The following MYRIP variants were observed in gnomAD, a reference collection of about 807,000 sequenced individuals.
MYRIP encodes the protein rab effector MyRIP.
A neutral mutation model predicts 98.0 loss-of-function variants in MYRIP; 49 were observed. That is an observed-to-expected ratio of 0.50 (90% CI 0.40 to 0.63). The LOEUF (loss-of-function observed/expected upper bound fraction) is 0.63, where lower values mean the gene tolerates loss of function less well. MYRIP is among the 30% of genes least tolerant of loss of function. MYRIP has a pLI of 0.00. For synonymous variants in MYRIP, 404 were observed against 409.5 expected, an observed-to-expected ratio of 0.99 and a Z score of 0.16; for missense variants, 1,004 against 1,058.2, an observed-to-expected ratio of 0.95 and a Z score of 0.71.
chr3:40,078,818 G>T (rs1948412632), intron 3 of MYRIP, among the ~76,000 whole-genome samples: 1 of 152,206 alleles, frequency 6.6e-6, no homozygotes. Context: ...CCTATTTTAA[G>T]AGATGCCACA....
intron 3 of MYRIP, among the ~76,000 whole-genome samples, chr3:40,114,615 A>G (rs1030858635): frequency 6.6e-6 from 1 of 152,258 alleles, no homozygotes; most frequent in African/African-American, 2.4e-5. Flanking sequence ...AGAAAGAAAA[A>G]AGGAGCAAAG....
chr3:40,135,549 C>T (rs1340888290), intron 3 of MYRIP, among the ~76,000 whole-genome samples: 4 of 152,156 alleles, frequency 2.6e-5, no homozygotes, highest in African/African-American at 9.7e-5. Context: ...AAAGATACTC[C>T]TCGAGAAGAG....
chr3:40,094,395 C>G (rs1475023607), intron 3 of MYRIP, among the ~76,000 whole-genome samples: 1 of 152,206 alleles, frequency 6.6e-6, no homozygotes, highest in African/African-American at 2.4e-5. Flanking sequence ...TTTATTACAC[C>G]ATGGCACCTC....
intron 2 of MYRIP, among the ~76,000 whole-genome samples, chr3:39,991,817 T>C (rs1271309860): frequency 1.3e-5 from 2 of 152,236 alleles, no homozygotes; most frequent in East Asian, 3.8e-4. Flanking sequence ...TACTGTGCTG[T>C]ATAACTTTAT....
intron 10 of MYRIP, among the ~76,000 whole-genome samples, chr3:40,207,049 G>C (rs980159742): frequency 6.6e-6 from 1 of 152,158 alleles, no homozygotes; most frequent in Non-Finnish European, 1.5e-5. Flanking sequence ...ACTAGTTGCT[G>C]ACTTCCTGCA....
At chr3:39,825,021 T>C (rs1302986308) in intron 1 of MYRIP, among the ~76,000 whole-genome samples, 1 of 152,206 alleles carries the variant, frequency 6.6e-6, no homozygotes, top group Admixed American at 6.5e-5. Flanking sequence ...GCCCAGCCAG[T>C]GCTATTGATT....
chr3:40,013,250 G>A (rs751960996), intron 2 of MYRIP, among the ~76,000 whole-genome samples: 1 of 152,152 alleles, frequency 6.6e-6, no homozygotes, highest in South Asian at 2.1e-4. Flanking sequence ...TATTACTCTC[G>A]TGTCAATCCT....
At position 40,244,440 on chromosome 3, in the gene MYRIP, C is replaced by G; in HGVS notation, c.2101-6C>G. On this transcript the variant is annotated splice_polypyrimidine_tract_variant and splice_region_variant and intron_variant, in intron 12 of 16. Coordinates refer to ENST00000302541, the MANE Select transcript of MYRIP (RefSeq NM_015460.4). ...CATGAACTCAAATGTAGCACTGTCT[C>G]TACAGGTATACCTGGCAGCAGGCAC... 3.1e-6 allele frequency: 5 copies of G among 1,609,620 alleles called. No individual in the cohort carries two copies. The highest frequency in any genetic ancestry group is 4.2e-6 in the Non-Finnish European group (5 of 1,177,768).
intron 10 of MYRIP, among the ~76,000 whole-genome samples, chr3:40,205,013 C>T: frequency 6.6e-6 from 1 of 152,140 alleles, no homozygotes; most frequent in East Asian, 1.9e-4. Context: ...ATTACAATGT[C>T]ACCAGCAATC....
At chr3:39,982,587 A>G (rs1474676879) in intron 2 of MYRIP, among the ~76,000 whole-genome samples, 7 of 152,228 alleles carry the variant, frequency 4.6e-5, no homozygotes, top group Admixed American at 2.6e-4. Flanking sequence ...TGGGAACTAC[A>G]CAAAATATTT....
intron 11 of MYRIP, chr3:40,232,842 C>G (rs1952700480): frequency 1.3e-5 from 2 of 152,242 alleles, no homozygotes; most frequent in Admixed American, 1.3e-4. Flanking sequence ...CAGTCAGGAA[C>G]ACGTTCAGCC....
chr3:39,859,841 G>T (rs1347093922), intron 1 of MYRIP, among the ~76,000 whole-genome samples: 1 of 152,068 alleles, frequency 6.6e-6, no homozygotes, highest in Admixed American at 6.6e-5. Context: ...TCAACAAATT[G>T]TTTATAGAAG....
intron 3 of MYRIP, among the ~76,000 whole-genome samples, chr3:40,099,351 C>A (rs1380345624): frequency 6.6e-6 from 1 of 152,172 alleles, no homozygotes; most frequent in Non-Finnish European, 1.5e-5. Flanking sequence ...ATATGCAAAG[C>A]ATTGTAATTT....
chr3:39,832,561 C>T (rs1161623661), intron 1 of MYRIP, among the ~76,000 whole-genome samples: 4 of 152,112 alleles, frequency 2.6e-5, no homozygotes, highest in Admixed American at 2.6e-4. Flanking sequence ...GAGTTCGGAG[C>T]ACGTAACACT....
chr3:39,871,120 G>C (rs1322891712), intron 1 of MYRIP, among the ~76,000 whole-genome samples: 1 of 152,166 alleles, frequency 6.6e-6, no homozygotes, highest in African/African-American at 2.4e-5. Context: ...TATGCTAGAA[G>C]GCAGTGAGGG....
chr3:40,018,141 T>C (rs922015796), intron 2 of MYRIP, among the ~76,000 whole-genome samples: 1 of 152,210 alleles, frequency 6.6e-6, no homozygotes, highest in African/African-American at 2.4e-5. Context: ...GCCACATTAC[T>C]GCATTATCTT....
intron 3 of MYRIP, among the ~76,000 whole-genome samples, chr3:40,047,988 C>A (rs1947705903): frequency 6.6e-6 from 1 of 152,198 alleles, no homozygotes. Context: ...ACACTCAGGG[C>A]TGCTTGTCCA....
chr3:40,173,136 A>C (rs550263906), intron 8 of MYRIP: 1 of 152,216 alleles, frequency 6.6e-6, no homozygotes, highest in Non-Finnish European at 1.5e-5. Flanking sequence ...ATAACACAGG[A>C]CCAATACCTT....
chr3:40,113,050 C>G (rs774447247), intron 3 of MYRIP, among the ~76,000 whole-genome samples: 2 of 152,154 alleles, frequency 1.3e-5, no homozygotes, highest in Non-Finnish European at 1.5e-5. Context: ...ATTAAGAACC[C>G]AGGGGTGCAT....
Sources: allele counts gnomAD v4.1 joint callset (sites outside exome capture counted in the v4.1 genomes callset), GRCh38; gene constraint gnomAD v4.1.1; transcripts MANE v1.5; gene names NCBI Gene and HGNC (gene_info 2026-07-23, HGNC 2026-07-21).